Variants in SYT13 observed in about 807,000 individuals in gnomAD.
The protein encoded by SYT13 is synaptotagmin-13.
In SYT13, 21 loss-of-function variants were observed where a neutral mutation model predicts 38.6. The observed-to-expected ratio is 0.54, with a 90% CI of 0.39 to 0.78. The LOEUF is 0.78. Among genes scored for constraint, SYT13 ranks in the 30% least tolerant of loss-of-function variants. The probability of loss-of-function intolerance (pLI) is 0.00; values close to 1 mark genes in which losing one functional copy is unlikely to be tolerated. For synonymous variants in SYT13, 241 were observed against 237.6 expected (o/e 1.01, Z -0.13); for missense variants, 495 against 548.7 (o/e 0.90, Z 0.98).
chr11:45,249,105 A>G (rs1446273032), intron 4 of SYT13, among the ~76,000 whole-genome samples: 1 of 152,228 alleles, frequency 6.6e-6, no homozygotes, highest in East Asian at 1.9e-4. Flanking sequence ...ATGAACAGAC[A>G]CTTCTCAAAA....
intron 1 of SYT13, among the ~76,000 whole-genome samples, chr11:45,274,742 T>A (rs765359545): frequency 2.6e-5 from 4 of 152,216 alleles, no homozygotes; most frequent in South Asian, 4.1e-4. Flanking sequence ...TTCCAAAACA[T>A]CCTTCTTAAT....
intron 1 of SYT13, among the ~76,000 whole-genome samples, chr11:45,282,555 A>G (rs1204361062): frequency 6.6e-6 from 1 of 152,252 alleles, no homozygotes; most frequent in African/African-American, 2.4e-5. Context: ...ATTAAATAAC[A>G]GAGTCTAGCA....
intron 5 of SYT13, 91 bp from the exon 6 acceptor site, chr11:45,244,447 T>C: frequency 6.9e-7 from 1 of 1,450,530 alleles, no homozygotes; most frequent in Non-Finnish European, 9.3e-7. Flanking sequence ...AGCTCCCTCC[T>C]GGTGCTGGAA....
At chr11:45,273,163 G>A (rs1213759821) in intron 1 of SYT13, among the ~76,000 whole-genome samples, 1 of 152,192 alleles carries the variant, frequency 6.6e-6, no homozygotes, top group Non-Finnish European at 1.5e-5. Context: ...TGGCGAGTAT[G>A]TAGGGACTGG....
chr11:45,262,835 A>G (rs527705244), intron 1 of SYT13, among the ~76,000 whole-genome samples: 1 of 151,416 alleles, frequency 6.6e-6, no homozygotes, highest in African/African-American at 2.4e-5. Context: ...TTACCATAAT[A>G]AAAAAAAAGA....
At chr11:45,258,864 T>C (rs1460244540) in intron 1 of SYT13, among the ~76,000 whole-genome samples, 2 of 152,128 alleles carry the variant, frequency 1.3e-5, no homozygotes, top group African/African-American at 4.8e-5. Flanking sequence ...AATGTCCCCG[T>C]CTTTCTACCC....
chr11:45,255,803 G>T lies in SYT13; in HGVS notation c.272C>A (p.Ala91Asp), dbSNP rs759567054. 1 of 1,614,222 alleles carries T rather than the reference G, an allele frequency of 6.2e-7. No individual in the cohort carries two copies. Among genetic ancestry groups the T allele is most frequent in the Admixed American group, 1.7e-5 (1 of 60,020 alleles). The change falls in exon 2 of 6, where the codon GCT (alanine) becomes GAT (aspartate). Residue 91 changes from alanine to aspartate, a missense_variant. By Grantham distance (126) the Ala-to-Asp change is moderately radical (BLOSUM62 -2). Coordinates refer to ENST00000020926, the MANE Select transcript of SYT13 (RefSeq NM_020826.3). ...DIYGPRPAVT[A>D]PEVINYADYS... ...GTCTGCATAGTTGATGACCTCTGGA[G>T]CCGTCACAGCTGGCCTGGGTCCATA...
chr11:45,272,912 G>A (rs953672355), intron 1 of SYT13, among the ~76,000 whole-genome samples: 3 of 152,124 alleles, frequency 2.0e-5, no homozygotes, highest in Non-Finnish European at 4.4e-5. Flanking sequence ...GCAAATAGAG[G>A]GTGTTATCAC....
In SYT13 at chr11:45,271,624, G is replaced by A. The variant is rs140753791; in HGVS notation, c.183+14401C>T. Among the ~76,000 whole-genome samples, 89 of 152,322 alleles carry A rather than the reference G, an allele frequency of 5.8e-4. 1 individual carries two copies. Among genetic ancestry groups the A allele is most frequent in the African/African-American group, 1.9e-3 (81 of 41,568 alleles). ...TCTATCTTATAAACAATGGAGAAAC[G>A]TTGACAGTTTGTGAGTAGGAGAATG... On this transcript the variant is annotated intron_variant, in intron 1 of 5. Coordinates refer to ENST00000020926, the MANE Select transcript of SYT13 (RefSeq NM_020826.3).
intron 4 of SYT13, among the ~76,000 whole-genome samples, chr11:45,246,755 A>G (rs1287455274): frequency 1.3e-5 from 2 of 152,156 alleles, no homozygotes; most frequent in Non-Finnish European, 1.5e-5. Context: ...TTCATATACC[A>G]TATACTCAAA....
chr11:45,262,299 G>C (rs2135898299), intron 1 of SYT13, among the ~76,000 whole-genome samples: 1 of 152,334 alleles, frequency 6.6e-6, no homozygotes, highest in South Asian at 2.1e-4. Flanking sequence ...TAGAATGGTG[G>C]ATGCCAGAGG....
intron 1 of SYT13, among the ~76,000 whole-genome samples, chr11:45,281,957 A>G (rs1181564043): frequency 6.6e-6 from 1 of 152,014 alleles, no homozygotes; most frequent in Admixed American, 6.6e-5. Context: ...CTCCTTTCTT[A>G]CTCCCAATTC....
At position 45,241,074 on chromosome 11, in the gene SYT13, A is replaced by T. The variant is rs181525446; in HGVS notation, c.*2978T>A. ...AAAGCAGAGCAATTATATTCTCTTC[A>T]TCTGTTGATTACATTTACATGGAGA... On this transcript the variant is annotated 3_prime_UTR_variant, in exon 6 of 6. Coordinates refer to ENST00000020926, the MANE Select transcript of SYT13 (RefSeq NM_020826.3). 1 of 152,256 alleles carries T rather than the reference A, an allele frequency of 6.6e-6. No homozygotes were observed. Among genetic ancestry groups the T allele is most frequent in the Non-Finnish European group, 1.5e-5 (1 of 68,050 alleles). The allele number at this position is 152,256 out of a possible 1,614,324, so 9.4% of individuals were successfully genotyped here.
chr11:45,248,806 G>A (rs1395797436), intron 4 of SYT13, among the ~76,000 whole-genome samples: 3 of 152,266 alleles, frequency 2.0e-5, no homozygotes, highest in Admixed American at 6.5e-5. Context: ...GCCTCTGCAG[G>A]GCTTTTCACT....
chr11:45,252,674 C>G lies in SYT13; in HGVS notation c.593G>C (p.Ser198Thr), dbSNP rs1008197037. 1 of 1,598,220 alleles carries G rather than the reference C, an allele frequency of 6.3e-7. No homozygotes were observed. The highest frequency in any genetic ancestry group is 1.3e-5 in the African/African-American group (1 of 74,658). ...CACAGAGCCGGTCCTATTGGCCACACTCCCTTGGACGTAGCAGTCACAGCC... is the reference window on the plus strand; with the variant it reads ...CACAGAGCCGGTCCTATTGGCCACAGTCCCTTGGACGTAGCAGTCACAGCC... ...DGGCDCYVQG[S>T]VANRTGSVEA... The change falls in exon 4 of 6, where the codon AGT (serine) becomes ACT (threonine). Residue 198 changes from serine (S) to threonine (T), a missense_variant. Ser to Thr is a moderately conservative substitution (Grantham distance 58). Transcript: ENST00000020926. The surrounding 1 kb of genome is among the most constrained non-coding windows in gnomAD (Gnocchi z 4.3).
Position 45,252,787 on chromosome 11 carries a change from C to A in SYT13, c.545-65G>T. ...AGGACAAGTGGAGGGGGCAGAAGCA[C>A]GCCTTGCTTAGGGCTGTGGAATCCA... On this transcript the variant is annotated intron_variant, in intron 3 of 5. Transcript: ENST00000020926. The surrounding 1 kb of genome is among the most constrained non-coding windows in gnomAD (Gnocchi z 4.3). 1.3e-6 allele frequency: 2 copies of A among 1,500,014 alleles called. No individual in the cohort carries two copies. The highest frequency in any genetic ancestry group is 2.7e-5 in the South Asian group (2 of 73,090). The allele number at this position is 1,500,014 out of a possible 1,614,324, so 92.9% of individuals were successfully genotyped here.
At chr11:45,251,999 C>A (rs1267551410) in intron 4 of SYT13, among the ~76,000 whole-genome samples, 1 of 152,200 alleles carries the variant, frequency 6.6e-6, no homozygotes, top group African/African-American at 2.4e-5. Flanking sequence ...CTAGTCTGTA[C>A]ACTCCTGAGT....
intron 1 of SYT13, among the ~76,000 whole-genome samples, chr11:45,276,639 T>G (rs11038374): frequency 0.11 from 16,139 of 150,326 alleles, 1,145 homozygotes; most frequent in African/African-American, 0.2. Flanking sequence ...GAATTTGGGG[T>G]TTTTTTTTAG....
intron 1 of SYT13, among the ~76,000 whole-genome samples, chr11:45,284,634 G>A (rs896020663): frequency 6.6e-6 from 1 of 152,122 alleles, no homozygotes; most frequent in African/African-American, 2.4e-5. Flanking sequence ...TAGTTTCCCA[G>A]TGGTTCTCTC....
Sources: allele counts gnomAD v4.1 joint callset (sites outside exome capture counted in the v4.1 genomes callset), GRCh38; gene constraint gnomAD v4.1.1; non-coding constraint Gnocchi (gnomAD v3.1); transcripts MANE v1.5; gene names NCBI Gene and HGNC (gene_info 2026-07-23, HGNC 2026-07-21).